PLEKHA6: variants seen among roughly 807,000 people sequenced by gnomAD.
PLEKHA6 encodes pleckstrin homology domain containing A6.
Under a neutral mutation model 116.7 loss-of-function variants are expected in PLEKHA6, and 60 were observed. The observed-to-expected ratio is 0.51, with a 90% CI of 0.42 to 0.64. The LOEUF is 0.64. PLEKHA6 is among the 30% of genes least tolerant of loss of function. The pLI is 0.00. For synonymous variants in PLEKHA6, 489 were observed against 556.1 expected, an observed-to-expected ratio of 0.88 and a Z score of 1.70; for missense variants, 1,338 against 1,422.7, an observed-to-expected ratio of 0.94 and a Z score of 0.96.
At chr1:204,242,443 C>T (rs934963142) in intron 15 of PLEKHA6, among the ~76,000 whole-genome samples, 1 of 152,190 alleles carries the variant, frequency 6.6e-6, no homozygotes, top group East Asian at 1.9e-4. Context: ...GGTAACATTA[C>T]CTGCTCTGCC....
At chr1:204,357,888 G>A (rs1673459816) in intron 1 of PLEKHA6, among the ~76,000 whole-genome samples, 1 of 152,250 alleles carries the variant, frequency 6.6e-6, no homozygotes, top group African/African-American at 2.4e-5. Flanking sequence ...CAGCCCGGGA[G>A]CCAAGGTGGC....
At chr1:204,287,004 G>A (rs1168803104) in intron 1 of PLEKHA6, among the ~76,000 whole-genome samples, 1 of 152,142 alleles carries the variant, frequency 6.6e-6, no homozygotes, top group Non-Finnish European at 1.5e-5. Flanking sequence ...GCCACAAGGG[G>A]GTTGGGTTTA....
intron 1 of PLEKHA6, among the ~76,000 whole-genome samples, chr1:204,328,998 A>G (rs1392878586): frequency 6.6e-6 from 1 of 151,844 alleles, no homozygotes; most frequent in Non-Finnish European, 1.5e-5. Context: ...TCAAAGCTCC[A>G]CTCTTACCCT....
intron 1 of PLEKHA6, among the ~76,000 whole-genome samples, chr1:204,293,763 G>A (rs376095710): frequency 2.0e-5 from 3 of 152,112 alleles, no homozygotes; most frequent in Non-Finnish European, 2.9e-5. Context: ...TGTATTAATC[G>A]CCTTACTCTA....
intron 3 of PLEKHA6, among the ~76,000 whole-genome samples, chr1:204,366,541 C>T (rs1342374705): frequency 6.6e-6 from 1 of 151,966 alleles, no homozygotes; most frequent in African/African-American, 2.4e-5. Context: ...TGGATGGATC[C>T]CTGGAGGCCA....
chr1:204,285,922 C>T (rs973877722), intron 1 of PLEKHA6, among the ~76,000 whole-genome samples: 8 of 152,060 alleles, frequency 5.3e-5, no homozygotes, highest in South Asian at 2.1e-4. Flanking sequence ...CTCTAGCTGA[C>T]GCTTGGGGGA....
chr1:204,282,877 T>C (rs1668773125), intron 1 of PLEKHA6: 9 of 873,364 alleles, frequency 1.0e-5, no homozygotes, highest in Non-Finnish European at 1.1e-5. Flanking sequence ...CAGCCTTTCC[T>C]CAGTAGCTAA....
intron 15 of PLEKHA6, among the ~76,000 whole-genome samples, chr1:204,242,191 A>C (rs1232998180): frequency 6.6e-6 from 1 of 152,230 alleles, no homozygotes; most frequent in Non-Finnish European, 1.5e-5. Context: ...AGCAAACAGA[A>C]CCAGGCGGGC....
rs1558197432 is a variant in PLEKHA6, at chr1:204,351,454, C to T, written c.-95+8240G>A. Among the ~76,000 whole-genome samples the T allele has an allele frequency of 2.6e-5, 4 of 152,296 alleles. No individual in the cohort carries two copies. In the East Asian group the frequency reaches 7.7e-4, roughly 29 times the overall value. On this transcript the variant is annotated intron_variant, in intron 1 of 22. Transcript: ENST00000272203. ...GCTGTCATTCAGCCTAACCCCAGGC[C>T]CTCTCACCCTCCGCCCTTCCTGAGC...
intron 1 of PLEKHA6, chr1:204,280,309 A>G (rs1668461672): frequency 4.1e-6 from 4 of 985,248 alleles, no homozygotes; most frequent in Non-Finnish European, 3.6e-6. Context: ...GAGTGGCAAA[A>G]TTAATCCAAG....
intron 1 of PLEKHA6, among the ~76,000 whole-genome samples, chr1:204,348,769 CA>C (rs1242445639): frequency 6.8e-6 from 1 of 147,532 alleles, no homozygotes; most frequent in Non-Finnish European, 1.5e-5. Context: ...CTCAAGGCCA[CA>C]CTTGGCAGAC....
At chr1:204,240,644 T>C (rs1205908726) in intron 17 of PLEKHA6, among the ~76,000 whole-genome samples, 1 of 152,220 alleles carries the variant, frequency 6.6e-6, no homozygotes, top group Non-Finnish European at 1.5e-5. Context: ...GATAGTCGTA[T>C]TATGTTAGGT....
chr1:204,371,266 G>A (rs371853265), intron 2 of PLEKHA6, among the ~76,000 whole-genome samples: 2 of 152,166 alleles, frequency 1.3e-5, no homozygotes, highest in Non-Finnish European at 2.9e-5. Flanking sequence ...ACTGGGCAGA[G>A]GGATGAAAGA....
Position 204,254,482 on chromosome 1 carries a change from C to T in PLEKHA6, c.1524+2871G>A, listed in dbSNP as rs184738024. Among the ~76,000 whole-genome samples, 392 of 152,178 alleles carry T rather than the reference C, an allele frequency of 2.6e-3. 2 individuals carry two copies. The highest frequency in any genetic ancestry group is 4.0e-3 in the Non-Finnish European group (270 of 68,012). On this transcript the variant is annotated intron_variant, in intron 9 of 22. Transcript: ENST00000272203. ...TGTAACTTTAAGAGCATGAACTCAT[C>T]CTAATGAGGTTTGACAGCAGCTTTG...
chr1:204,328,128 G>C (rs1672312949), intron 1 of PLEKHA6, among the ~76,000 whole-genome samples: 1 of 151,650 alleles, frequency 6.6e-6, no homozygotes, highest in Non-Finnish European at 1.5e-5. Flanking sequence ...TCTTGCCCAG[G>C]CTGGAGTGCA....
intron 1 of PLEKHA6, among the ~76,000 whole-genome samples, chr1:204,358,767 G>A (rs1044281125): frequency 2.1e-4 from 32 of 152,030 alleles, no homozygotes; most frequent in Admixed American, 1.8e-3. Context: ...CTGTGCCCCG[G>A]GGATGGCTCT....
intron 1 of PLEKHA6, among the ~76,000 whole-genome samples, chr1:204,334,983 C>T (rs1403807709): frequency 3.9e-5 from 6 of 152,078 alleles, no homozygotes; most frequent in African/African-American, 1.4e-4. Context: ...ACTATAGTCA[C>T]CATGCTGTGT....
intron 9 of PLEKHA6, chr1:204,256,873 C>T (rs764232272): frequency 3.0e-6 from 2 of 657,726 alleles, no homozygotes; most frequent in East Asian, 2.8e-5. Context: ...GGCCGCCTGT[C>T]TCCCAGGTAA....
In PLEKHA6 at chr1:204,259,188, C is replaced by G; in HGVS notation, c.1007+70G>C. 6.6e-7 allele frequency: 1 copy of G among 1,526,288 alleles called. No homozygotes were observed. The allele number at this position is 1,526,288 out of a possible 1,614,324, so 94.5% of individuals were successfully genotyped here. On this transcript the variant is annotated intron_variant, in intron 8 of 22. Coordinates refer to ENST00000272203, the MANE Select transcript of PLEKHA6 (RefSeq NM_014935.5). The surrounding 1 kb of genome is among the most constrained non-coding windows in gnomAD (Gnocchi z 4.6). The stretch of plus-strand genomic sequence containing the variant: ...TTTCCAACAGGGGATGCCTCGTGGG[C>G]TATGACCCCACTCGCACGCTCTAGC...
Sources: gnomAD v4.1 joint callset for allele counts (sites outside exome capture counted in the v4.1 genomes callset) on GRCh38, gnomAD v4.1.1 for gene constraint, Gnocchi (gnomAD v3.1) non-coding constraint, MANE v1.5 for transcripts, NCBI Gene and HGNC (gene_info 2026-07-23, HGNC 2026-07-21) for gene names.